SCN9A: variants seen among roughly 807,000 people sequenced by gnomAD.
SCN9A encodes the protein sodium channel protein type 9 subunit alpha.
In SCN9A, 131 loss-of-function variants were observed where a neutral mutation model predicts 187.0. The ratio of observed to expected loss-of-function variants is 0.70; its 90% CI spans 0.61 to 0.81. The LOEUF (loss-of-function observed/expected upper bound fraction) is 0.81, where lower values mean the gene tolerates loss of function less well. SCN9A is among the 30% of genes least tolerant of loss of function. The pLI is 0.00. For synonymous variants in SCN9A, 809 were observed against 808.6 expected, an observed-to-expected ratio of 1.00 and a Z score of -0.01; for missense variants, 2,252 against 2,396.6, an observed-to-expected ratio of 0.94 and a Z score of 1.26.
intron 1 of SCN9A, among the ~76,000 whole-genome samples, chr2:166,313,756 C>T (rs1464491853): frequency 6.6e-6 from 1 of 152,170 alleles, no homozygotes; most frequent in Non-Finnish European, 1.5e-5. Context: ...GCATTCACAA[C>T]TTGGCTAAGT....
intron 1 of SCN9A, among the ~76,000 whole-genome samples, chr2:166,356,301 C>A (rs995397317): frequency 1.3e-5 from 2 of 152,108 alleles, no homozygotes; most frequent in Non-Finnish European, 2.9e-5. Context: ...TATTAATACT[C>A]TACATTTTTA....
intron 26 of SCN9A, among the ~76,000 whole-genome samples, chr2:166,201,962 T>G (rs1693557763): frequency 6.6e-6 from 1 of 151,856 alleles, no homozygotes; most frequent in Non-Finnish European, 1.5e-5. Context: ...TTTGTATCCT[T>G]ATTGGTTGTT....
intron 1 of SCN9A, among the ~76,000 whole-genome samples, chr2:166,333,296 T>A (rs1208746168): frequency 6.6e-6 from 1 of 152,158 alleles, no homozygotes; most frequent in African/African-American, 2.4e-5. Context: ...ATGATCAGTA[T>A]GTAAATTAGA....
chr2:166,359,503 C>T (rs1261872116), intron 1 of SCN9A, among the ~76,000 whole-genome samples: 3 of 152,052 alleles, frequency 2.0e-5, no homozygotes, highest in Admixed American at 6.5e-5. Context: ...TCATTAAATA[C>T]TTGCCTGATT....
intron 21 of SCN9A, among the ~76,000 whole-genome samples, chr2:166,232,960 T>C (rs1434314351): frequency 6.8e-6 from 1 of 147,550 alleles, no homozygotes; most frequent in African/African-American, 2.5e-5. Flanking sequence ...TAATATACTA[T>C]TTAATTAATG....
intron 1 of SCN9A, among the ~76,000 whole-genome samples, chr2:166,364,626 T>C (rs550676640): frequency 2.3e-4 from 35 of 152,226 alleles, no homozygotes; most frequent in Non-Finnish European, 4.6e-4. Flanking sequence ...GTACCTAGAA[T>C]AGTCACATTC....
rs1699409797 is a variant in SCN9A at position 166,328,155 on chromosome 2, T to C, written c.-50-16349A>G. Among the ~76,000 whole-genome samples, 8 of 152,182 alleles carry C rather than the reference T, an allele frequency of 5.3e-5. No homozygotes were observed. In the South Asian group the frequency reaches 1.7e-3, roughly 32 times the overall value. ...ATTAGAGAGAGTGAAAATATTATTC[T>C]AGAGTGAAGGAATTCTGTGTTTTCA... On this transcript the variant is annotated intron_variant, in intron 1 of 26. Transcript: ENST00000642356.
Position 166,211,726 on chromosome 2 carries a change from GATA to G in SCN9A, c.4399-7265_4399-7263del, listed in dbSNP as rs1463155946. ...ATCAGCTTAAAGTAGACTATTATAA[GATA>G]TTTGTGATTGCCTCATGATAACCAC... On this transcript the variant is annotated intron_variant, in intron 24 of 26. Transcript: ENST00000642356. Among the ~76,000 whole-genome samples, 54 of 119,394 alleles carry G rather than the reference GATA, an allele frequency of 4.5e-4. 1 individual carries two copies. The highest frequency in any genetic ancestry group is 7.9e-3 in the Middle Eastern group (2 of 254). The allele number at this position is 119,394 out of a possible 152,430, so 78.3% of individuals were successfully genotyped here. A position where few individuals can be genotyped will look rare whatever the true frequency, so the allele number is the denominator to read the frequency against.
chr2:166,202,359 C>T (rs918059729), intron 26 of SCN9A, among the ~76,000 whole-genome samples: 1 of 151,540 alleles, frequency 6.6e-6, no homozygotes, highest in East Asian at 1.9e-4. Context: ...GGTAATTATA[C>T]ATTAAAGTTT....
chr2:166,329,825 T>G (rs1559044932), intron 1 of SCN9A, among the ~76,000 whole-genome samples: 1 of 152,144 alleles, frequency 6.6e-6, no homozygotes, highest in Non-Finnish European at 1.5e-5. Flanking sequence ...AATTTGCTGG[T>G]CTGTACTATG....
At chr2:166,241,125 C>T (rs867967279) in intron 19 of SCN9A, among the ~76,000 whole-genome samples, 2 of 152,094 alleles carry the variant, frequency 1.3e-5, no homozygotes. Flanking sequence ...AACCTATTAG[C>T]ATATAAGTAC....
chr2:166,350,502 A>C (rs1700008487), intron 1 of SCN9A, among the ~76,000 whole-genome samples: 1 of 152,228 alleles, frequency 6.6e-6, no homozygotes, highest in Admixed American at 6.5e-5. Context: ...TTTGGGGAAG[A>C]GGAATTAGTA....
rs1441520508 is a variant in SCN9A at position 166,196,109 on chromosome 2, A to T, written c.*2563T>A. 1 of 152,116 alleles carries T rather than the reference A, an allele frequency of 6.6e-6. No homozygotes were observed. Among genetic ancestry groups the T allele is most frequent in the African/African-American group, 2.4e-5 (1 of 41,422 alleles). 9.4% of individuals were successfully genotyped at this position (152,116 alleles called of 1,614,324 possible). On this transcript the variant is annotated 3_prime_UTR_variant, in exon 27 of 27. Coordinates refer to ENST00000642356, the MANE Select transcript of SCN9A (RefSeq NM_001365536.1). ...ATTCTAAGTTAAGTTCTTCAGTGTA[A>T]CTGCCTTTCTGTATTGTTGGGTGTA...
At chr2:166,270,982 A>G (rs1696956615) in intron 17 of SCN9A, among the ~76,000 whole-genome samples, 1 of 152,096 alleles carries the variant, frequency 6.6e-6, no homozygotes, top group Non-Finnish European at 1.5e-5. Context: ...GTAATTTGTA[A>G]TACGGTTGTT....
intron 3 of SCN9A, 74 bp from the exon 4 acceptor site, chr2:166,306,673 G>A: frequency 9.3e-7 from 1 of 1,076,868 alleles, no homozygotes; most frequent in South Asian, 1.4e-5. Flanking sequence ...TTGTTGAAAT[G>A]CTTACAACTT....
Position 166,233,365 on chromosome 2 carries a change from G to A in SCN9A, c.3899C>T (p.Ala1300Val). ...CCTCATTCCTTCAAATCTAGATAAG[G>A]CTCTTAGAGGTCTTAAAGCTCTCAG... ...RTLRALRPLR[A>V]LSRFEGMRVV... The change falls in exon 21 of 27, where the codon GCC (alanine) becomes GTC (valine). Residue 1300 changes from alanine (A) to valine (V), a missense_variant. This residue lies in a region of SCN9A where 368 missense variants were observed against 408.6 expected (regional missense o/e 0.90). Transcript: ENST00000642356. 6.4e-7 allele frequency: 1 copy of A among 1,555,878 alleles called. No individual in the cohort carries two copies. Among genetic ancestry groups the A allele is most frequent in the Non-Finnish European group, 8.6e-7 (1 of 1,156,438 alleles).
At chr2:166,255,556 A>G (rs1201115945) in intron 17 of SCN9A, among the ~76,000 whole-genome samples, 2 of 151,454 alleles carry the variant, frequency 1.3e-5, no homozygotes, top group Non-Finnish European at 3.0e-5. Context: ...CAAAAGAAGA[A>G]ACTATCAAAC....
intron 1 of SCN9A, among the ~76,000 whole-genome samples, chr2:166,323,145 T>C (rs1182427008): frequency 1.3e-5 from 2 of 152,202 alleles, no homozygotes; most frequent in Non-Finnish European, 2.9e-5. Context: ...TTTTATTCAT[T>C]GAATATTGCT....
intron 10 of SCN9A, among the ~76,000 whole-genome samples, chr2:166,287,711 A>G (rs1697832960): frequency 1.3e-5 from 2 of 151,964 alleles, no homozygotes; most frequent in Non-Finnish European, 2.9e-5. Flanking sequence ...TCTCTCTGGA[A>G]AGAGGATTAA....
Sources: gnomAD v4.1 joint callset for allele counts (sites outside exome capture counted in the v4.1 genomes callset) on GRCh38, gnomAD v4.1.1 for gene constraint, gnomAD v4.1.1 regional missense constraint, MANE v1.5 for transcripts, NCBI Gene and HGNC (gene_info 2026-07-23, HGNC 2026-07-21) for gene names.